TBC1D31: variants seen among roughly 807,000 people sequenced by gnomAD.
TBC1D31 encodes WD repeat domain 67.
Under a neutral mutation model 132.9 loss-of-function variants are expected in TBC1D31, and 99 were observed. That is an observed-to-expected ratio of 0.74 (90% CI 0.63 to 0.88). The LOEUF (loss-of-function observed/expected upper bound fraction) is 0.88. Ranked by LOEUF, TBC1D31 falls within the 40% of genes least tolerant of loss-of-function variation. The pLI is 0.00. For missense variants in TBC1D31, 1,134 were observed against 1,256.6 expected (o/e 0.90, Z 1.48); for synonymous variants, 385 against 419.4 (o/e 0.92, Z 1.00).
In TBC1D31 at chr8:123,084,011, C is replaced by G. The variant is rs190004346; in HGVS notation, c.341-151C>G. The G allele has an allele frequency of 2.8e-5, 18 of 633,100 alleles. No individual in the cohort carries two copies. In the East Asian group the frequency reaches 4.6e-4, roughly 16 times the overall value. The allele number at this position is 633,100 out of a possible 1,614,324, so 39.2% of individuals were successfully genotyped here. ...TTCCGTCATACACTTTATCAACTAG[C>G]CACAAGCTTCCATTTTTGTGGATAT... On this transcript the variant is annotated intron_variant, in intron 3 of 21. Coordinates refer to ENST00000287380, the MANE Select transcript of TBC1D31 (RefSeq NM_145647.4).
In TBC1D31 at chr8:123,109,313, G is replaced by A. The variant is rs79939194; in HGVS notation, c.1210-4G>A. Reference sequence around the variant, plus strand: ...ATTTATTAATATTGTCTTTTTCTTTGTAGAATGAATTACCAGATGGATTAA... The same window carrying A: ...ATTTATTAATATTGTCTTTTTCTTTATAGAATGAATTACCAGATGGATTAA... On this transcript the variant is annotated splice_region_variant and splice_polypyrimidine_tract_variant and intron_variant, in intron 8 of 21. Coordinates refer to ENST00000287380, the MANE Select transcript of TBC1D31 (RefSeq NM_145647.4). The A allele has an allele frequency of 9.7e-4, 1,526 of 1,566,752 alleles. 16 individuals carry two copies. The African/African-American group carries it at 0.019, about 19-fold the overall frequency.
At chr8:123,099,230 C>T (rs759062277) in intron 6 of TBC1D31, among the ~76,000 whole-genome samples, 1 of 152,180 alleles carries the variant, frequency 6.6e-6, no homozygotes, top group Non-Finnish European at 1.5e-5. Flanking sequence ...CGCCATTCTC[C>T]TGCCTCAGCC....
intron 10 of TBC1D31, among the ~76,000 whole-genome samples, chr8:123,111,037 T>G (rs1321941949): frequency 1.3e-5 from 2 of 152,160 alleles, no homozygotes; most frequent in Non-Finnish European, 2.9e-5. Context: ...TTTCTCTATC[T>G]CCTGAATTTA....
chr8:123,150,521 ACT>A (rs1388390639), intron 21 of TBC1D31, among the ~76,000 whole-genome samples: 1 of 152,250 alleles, frequency 6.6e-6, no homozygotes, highest in African/African-American at 2.4e-5. Flanking sequence ...AATTTTCTTG[ACT>A]CTGTTCATTT....
chr8:123,104,363 C>T (rs943372175), intron 7 of TBC1D31, among the ~76,000 whole-genome samples: 2 of 152,132 alleles, frequency 1.3e-5, no homozygotes, highest in African/African-American at 4.8e-5. Context: ...GCTTACCTTA[C>T]AGAGAATATA....
chr8:123,160,773 G>A, the TBC1D31 span, among the ~76,000 whole-genome samples: 3 of 152,238 alleles, frequency 2.0e-5, no homozygotes, highest in Non-Finnish European at 4.4e-5. Flanking sequence ...AGGTAGAACA[G>A]GAGTTGGGGG....
rs76977204 is a variant in TBC1D31 at position 123,128,993 on chromosome 8, C to T, written c.2118-73C>T. On this transcript the variant is annotated intron_variant, in intron 14 of 21. Coordinates refer to ENST00000287380, the MANE Select transcript of TBC1D31 (RefSeq NM_145647.4). Reference sequence around the variant, plus strand: ...GAAATAAAATAGATTATACATTAATCGGTATACATTTTGTGTTTTGATGAT... The same window carrying T: ...GAAATAAAATAGATTATACATTAATTGGTATACATTTTGTGTTTTGATGAT... The T allele has an allele frequency of 2.0e-3, 1,917 of 970,702 alleles. 21 individuals are homozygous for T. In the African/African-American group the frequency reaches 0.029, roughly 15 times the overall value. The allele number at this position is 970,702 out of a possible 1,614,324, so 60.1% of individuals were successfully genotyped here.
chr8:123,164,718 T>C, the TBC1D31 span, among the ~76,000 whole-genome samples: 10 of 55,852 alleles, frequency 1.8e-4, no homozygotes, highest in East Asian at 2.8e-3. Context: ...CGAGACTCCA[T>C]CTCAAAAAAA....
rs138610717 is a variant in TBC1D31, at chr8:123,081,267, T to G, written c.225-1435T>G. ...TTTCTTTGGCTTACTTCCTTCCATA[T>G]TTCAGGTACTCTTTTCGATAATCAC... On this transcript the variant is annotated intron_variant, in intron 2 of 21. Transcript: ENST00000287380. 1.0e-3 allele frequency among the ~76,000 whole-genome samples: 157 copies of G among 152,320 alleles called. 1 individual carries two copies. The highest frequency in any genetic ancestry group is 3.7e-3 in the African/African-American group (154 of 41,586).
At chr8:123,143,207 T>C (rs1821873786) in intron 19 of TBC1D31, among the ~76,000 whole-genome samples, 1 of 152,200 alleles carries the variant, frequency 6.6e-6, no homozygotes, top group South Asian at 2.1e-4. Context: ...CACACTCCCT[T>C]CTAACTTCTT....
chr8:123,146,448 A>T (rs1486422053), intron 20 of TBC1D31, among the ~76,000 whole-genome samples: 1 of 152,166 alleles, frequency 6.6e-6, no homozygotes, highest in Non-Finnish European at 1.5e-5. Flanking sequence ...GGTTTCTTGT[A>T]CTTGGCATAA....
At chr8:123,075,882 T>G (rs1456154094) in intron 1 of TBC1D31, among the ~76,000 whole-genome samples, 1 of 152,190 alleles carries the variant, frequency 6.6e-6, no homozygotes, top group East Asian at 1.9e-4. Flanking sequence ...TTATAAATTT[T>G]CTTTCAACAG....
intron 1 of TBC1D31, among the ~76,000 whole-genome samples, chr8:123,075,423 G>A (rs1814400342): frequency 6.6e-6 from 1 of 152,156 alleles, no homozygotes; most frequent in Non-Finnish European, 1.5e-5. Flanking sequence ...CAAAAACTAG[G>A]CAAGGTGCAG....
intron 10 of TBC1D31, among the ~76,000 whole-genome samples, chr8:123,114,247 T>C (rs550529679): frequency 3.7e-4 from 56 of 152,304 alleles, no homozygotes; most frequent in African/African-American, 1.3e-3. Context: ...TGATCGTGCT[T>C]TCTAGTTTTA....
chr8:123,144,890 T>C (rs1418243041), intron 20 of TBC1D31, 35 bp downstream of exon 20: 1 of 1,574,754 alleles, frequency 6.4e-7, no homozygotes. Flanking sequence ...TCCATGATGT[T>C]ACAGATTTAT....
intron 4 of TBC1D31, among the ~76,000 whole-genome samples, chr8:123,087,148 G>A (rs1815848874): frequency 6.6e-6 from 1 of 152,220 alleles, no homozygotes; most frequent in Admixed American, 6.5e-5. Flanking sequence ...GAGCACACAG[G>A]CCCTATTCCT....
At chr8:123,150,578 T>C (rs575893742) in intron 21 of TBC1D31, among the ~76,000 whole-genome samples, 5 of 152,346 alleles carry the variant, frequency 3.3e-5, no homozygotes, top group African/African-American at 9.6e-5. Context: ...GTGTCTGCCC[T>C]GGGCACTCCG....
intron 2 of TBC1D31, among the ~76,000 whole-genome samples, chr8:123,078,875 GA>G (rs1217648478): frequency 2.0e-5 from 3 of 151,406 alleles, no homozygotes; most frequent in African/African-American, 4.8e-5. Flanking sequence ...AATTATAGAA[GA>G]AAAAAAATTA....
intron 20 of TBC1D31, among the ~76,000 whole-genome samples, chr8:123,149,426 G>A (rs538825385): frequency 6.6e-6 from 1 of 152,228 alleles, no homozygotes; most frequent in African/African-American, 2.4e-5. Context: ...GGAGTAGAAA[G>A]GAAGGGACCA....
Sources: gnomAD v4.1 joint callset for allele counts (sites outside exome capture counted in the v4.1 genomes callset) on GRCh38, gnomAD v4.1.1 for gene constraint, MANE v1.5 for transcripts, NCBI Gene and HGNC (gene_info 2026-07-23, HGNC 2026-07-21) for gene names.